MYO3B: variants seen among roughly 807,000 people sequenced by gnomAD.
MYO3B encodes the protein myosin-IIIb.
A neutral mutation model predicts 174.6 loss-of-function variants in MYO3B; 156 were observed. The observed-to-expected ratio is 0.89, with a 90% CI of 0.78 to 1.02. The LOEUF is 1.02. MYO3B is among the 50% of genes least tolerant of loss of function. The pLI, the probability that MYO3B is intolerant of heterozygous loss-of-function variation, is 0.00. For missense variants in MYO3B, 1,632 were observed against 1,639.4 expected, an observed-to-expected ratio of 1.00 and a Z score of 0.08; for synonymous variants, 563 against 569.1, an observed-to-expected ratio of 0.99 and a Z score of 0.15.
At position 170,401,530 on chromosome 2, in the gene MYO3B, C is replaced by T. The variant is rs1335117980; in HGVS notation, c.1968C>T (p.Thr656=). Residue 656 remains threonine, a synonymous_variant, in exon 18 of 35, where the codon ACC becomes ACT. Transcript: ENST00000408978. ...ISPEELQEAL[T]SHCVVTRGET... ...CTGAAGAGCTCCAGGAGGCCCTCAC[C>T]TCCCACTGTGTGGTCACCCGGGGCG... is the stretch of plus-strand genomic sequence containing the variant. 1.9e-6 allele frequency: 3 copies of T among 1,614,090 alleles called. No individual in the cohort carries two copies. Among genetic ancestry groups the T allele is most frequent in the Non-Finnish European group, 2.5e-6 (3 of 1,180,044 alleles).
intron 32 of MYO3B, among the ~76,000 whole-genome samples, chr2:170,591,780 T>C (rs1368815669): frequency 6.6e-6 from 1 of 152,194 alleles, no homozygotes; most frequent in Non-Finnish European, 1.5e-5. Context: ...TCTTCCCCCA[T>C]ACTTCTGCCA....
intron 23 of MYO3B, among the ~76,000 whole-genome samples, chr2:170,459,368 G>C (rs1158584633): frequency 2.0e-5 from 3 of 152,194 alleles, no homozygotes; most frequent in Non-Finnish European, 2.9e-5. Context: ...GCTAGACACA[G>C]AGTGCTGATT....
chr2:170,334,561 A>C (rs909118882), intron 7 of MYO3B: 1 of 152,196 alleles, frequency 6.6e-6, no homozygotes, highest in Non-Finnish European at 1.5e-5. Flanking sequence ...TCATTTTCTG[A>C]ACTTGAGTTG....
chr2:170,202,145 A>G (rs927056047), intron 3 of MYO3B, among the ~76,000 whole-genome samples: 5 of 152,206 alleles, frequency 3.3e-5, no homozygotes, highest in Admixed American at 2.6e-4. Context: ...AAGATGAGAA[A>G]GAGCCCAGAA....
chr2:170,590,894 TCA>T (rs1178330536), intron 32 of MYO3B, among the ~76,000 whole-genome samples: 11 of 152,134 alleles, frequency 7.2e-5, no homozygotes. Flanking sequence ...TACTCTACAC[TCA>T]CAGTCTCTCA....
In MYO3B at chr2:170,653,457, G is replaced by A. The variant is rs959970500; in HGVS notation, c.*336G>A. On this transcript the variant is annotated 3_prime_UTR_variant, in exon 35 of 35. Transcript: ENST00000408978. The stretch of plus-strand genomic sequence containing the variant: ...GCCAGTCTCACCCCAGTCTAATCAT[G>A]GACCCTGATAATATTGCTTGATTTT... 4.0e-6 allele frequency: 1 copy of A among 250,222 alleles called. No individual in the cohort carries two copies. The highest frequency in any genetic ancestry group is 2.2e-5 in the African/African-American group (1 of 45,530). 15.5% of individuals were successfully genotyped at this position (250,222 alleles called of 1,614,324 possible).
chr2:170,276,753 C>T (rs999431357), intron 7 of MYO3B, among the ~76,000 whole-genome samples: 1 of 152,078 alleles, frequency 6.6e-6, no homozygotes, highest in Admixed American at 6.5e-5. Context: ...ATCTCCATTT[C>T]CTTTTGTAGC....
At chr2:170,595,221 G>A (rs1694071054) in intron 32 of MYO3B, among the ~76,000 whole-genome samples, 1 of 152,136 alleles carries the variant, frequency 6.6e-6, no homozygotes, top group Non-Finnish European at 1.5e-5. Flanking sequence ...ACACCAGGTA[G>A]GGGGTGTTCC....
intron 32 of MYO3B, among the ~76,000 whole-genome samples, chr2:170,554,573 G>C (rs942619646): frequency 2.0e-5 from 3 of 152,232 alleles, no homozygotes; most frequent in African/African-American, 4.8e-5. Context: ...TTCACAGCCT[G>C]TTCTCATTCC....
intron 22 of MYO3B, among the ~76,000 whole-genome samples, chr2:170,441,427 A>C (rs979879626): frequency 6.6e-6 from 1 of 152,214 alleles, no homozygotes; most frequent in African/African-American, 2.4e-5. Flanking sequence ...CCCAATCCAG[A>C]TCCCAAGAGA....
At chr2:170,410,288 AGGCGCGGT>A (rs762294371) in intron 22 of MYO3B, among the ~76,000 whole-genome samples, 42 of 152,278 alleles carry the variant, frequency 2.8e-4, no homozygotes, top group South Asian at 6.2e-4. Context: ...AGTTGAGGCC[AGGCGCGGT>A]GGCTCACGCC....
At chr2:170,232,220 G>C (rs1007168944) in intron 6 of MYO3B, among the ~76,000 whole-genome samples, 1 of 152,168 alleles carries the variant, frequency 6.6e-6, no homozygotes, top group Non-Finnish European at 1.5e-5. Context: ...ATTTAACCTA[G>C]AGACAAGGAG....
intron 6 of MYO3B, among the ~76,000 whole-genome samples, chr2:170,220,648 A>T (rs2092887570): frequency 1.3e-5 from 2 of 150,464 alleles, no homozygotes; most frequent in African/African-American, 2.4e-5. Flanking sequence ...AAAAAAAAAA[A>T]AAAAAATGGA....
intron 32 of MYO3B, among the ~76,000 whole-genome samples, chr2:170,577,348 A>G (rs992468259): frequency 1.2e-4 from 19 of 152,318 alleles, no homozygotes; most frequent in African/African-American, 4.3e-4. Context: ...GTTCATGTTC[A>G]CATATCCAGT....
intron 29 of MYO3B, among the ~76,000 whole-genome samples, chr2:170,518,327 C>G (rs995496105): frequency 6.6e-6 from 1 of 152,148 alleles, no homozygotes; most frequent in African/African-American, 2.4e-5. Flanking sequence ...TCACAATTCC[C>G]AAATTTATAG....
intron 32 of MYO3B, among the ~76,000 whole-genome samples, chr2:170,609,007 C>T (rs1694984221): frequency 6.6e-6 from 1 of 152,108 alleles, no homozygotes; most frequent in Non-Finnish European, 1.5e-5. Flanking sequence ...TGTTTTAAGA[C>T]ATTGCTTAAA....
chr2:170,250,103 C>T (rs1202842859), intron 7 of MYO3B, among the ~76,000 whole-genome samples: 2 of 152,280 alleles, frequency 1.3e-5, no homozygotes, highest in Non-Finnish European at 2.9e-5. Flanking sequence ...CTATTATTGA[C>T]GATGAGCCCT....
chr2:170,416,822 T>G (rs1163740528), intron 22 of MYO3B, among the ~76,000 whole-genome samples: 230 of 15,760 alleles, frequency 0.015, 3 homozygotes, highest in East Asian at 0.055. Context: ...TCTGTTGTTT[T>G]TTTTTTTTTT....
chr2:170,471,251 T>C lies in MYO3B; in HGVS notation c.3014+4540T>C, dbSNP rs562345798. Among the ~76,000 whole-genome samples, 29 of 152,216 alleles carry C rather than the reference T, an allele frequency of 1.9e-4. No homozygotes were observed. The South Asian group carries it at 5.2e-3, about 27-fold the overall frequency. Reference sequence around the variant, plus strand: ...TTTTAATAGAGATGGGGTTTCACCATGTTGGTCAGGGTGGTCTCGAACTCC... The same window carrying C: ...TTTTAATAGAGATGGGGTTTCACCACGTTGGTCAGGGTGGTCTCGAACTCC... On this transcript the variant is annotated intron_variant, in intron 25 of 34. Coordinates refer to ENST00000408978, the MANE Select transcript of MYO3B (RefSeq NM_138995.5).
Sources: allele counts gnomAD v4.1 joint callset (sites outside exome capture counted in the v4.1 genomes callset), GRCh38; gene constraint gnomAD v4.1.1; transcripts MANE v1.5; gene names NCBI Gene and HGNC (gene_info 2026-07-23, HGNC 2026-07-21).